RIMKLB: variants seen among roughly 807,000 people sequenced by gnomAD.
RIMKLB encodes the protein ribosomal modification protein rimK like family member B.
Under a neutral mutation model 32.0 loss-of-function variants are expected in RIMKLB, and 7 were observed. The observed-to-expected ratio is 0.22, with a 90% CI of 0.12 to 0.41. The LOEUF (loss-of-function observed/expected upper bound fraction) is 0.41. Among genes scored for constraint, RIMKLB ranks in the 10% least tolerant of loss-of-function variants. The pLI, the probability that RIMKLB is intolerant of heterozygous loss-of-function variation, is 1.00. For synonymous variants in RIMKLB, 172 were observed against 185.1 expected (o/e 0.93, Z 0.57); for missense variants, 289 against 498.7 (o/e 0.58, Z 4.00).
intron 5 of RIMKLB, among the ~76,000 whole-genome samples, chr12:8,770,578 T>C (rs1950324364): frequency 6.6e-6 from 1 of 152,214 alleles, no homozygotes; most frequent in Non-Finnish European, 1.5e-5. Context: ...GTATCATTTC[T>C]TGATTATTTT....
Position 8,753,987 on chromosome 12 carries a change from A to G in RIMKLB, c.591A>G (p.Lys197=). 4 of 1,613,996 alleles carry G rather than the reference A, an allele frequency of 2.5e-6. No individual in the cohort carries two copies. The highest frequency in any genetic ancestry group is 3.4e-6 in the Non-Finnish European group (4 of 1,179,854). ...CATACCTGTTCCAGAAGTATGTTAA[A>G]GAGTCTCATGGACGGGATGTACGTG... The part of the protein sequence containing the change: ...EAPYLFQKYV[K]ESHGRDVRVI... The change falls in exon 5 of 6, where the codon AAA becomes AAG. Residue 197 remains lysine, a synonymous_variant. Transcript: ENST00000535829.
chr12:8,760,666 G>T (rs1949443907), intron 5 of RIMKLB, among the ~76,000 whole-genome samples: 1 of 143,304 alleles, frequency 7.0e-6, no homozygotes, highest in African/African-American at 2.5e-5. Flanking sequence ...TCTTATTGTG[G>T]TTATTGATTT....
the RIMKLB span, among the ~76,000 whole-genome samples, chr12:8,674,337 C>T: frequency 6.7e-6 from 1 of 149,792 alleles, no homozygotes; most frequent in Non-Finnish European, 1.5e-5. Flanking sequence ...CTCCCGGGCT[C>T]ATGCCATTCT....
At chr12:8,780,867 A>G (rs2138419730), downstream of RIMKLB, 1 of 152,308 alleles carries the variant, frequency 6.6e-6, no homozygotes, top group South Asian at 2.1e-4. Flanking sequence ...ATTTGACCTC[A>G]CTGGTAAACT....
chr12:8,697,711 TC>T (rs1421502480), upstream of RIMKLB: 1 of 283,542 alleles, frequency 3.5e-6, no homozygotes, highest in Non-Finnish European at 7.6e-6. Context: ...ATCCATCGCC[TC>T]TCTTCCCCCG....
chr12:8,781,888 C>T (rs768146232), downstream of RIMKLB, among the ~76,000 whole-genome samples: 9 of 151,636 alleles, frequency 5.9e-5, no homozygotes, highest in Non-Finnish European at 1.0e-4. Flanking sequence ...TTATAAGATG[C>T]AGACCTGTTT....
At position 8,749,918 on chromosome 12, in the gene RIMKLB, G is replaced by A. The variant is rs1948477806; in HGVS notation, c.232G>A (p.Val78Ile). 1 of 1,613,502 alleles carries A rather than the reference G, an allele frequency of 6.2e-7. No individual in the cohort carries two copies. The part of the protein sequence containing the change: ...TAYPQVVVVR[V>I]PTPWVQSDSD... The stretch of plus-strand genomic sequence containing the variant: ...CTACCCACAAGTGGTGGTAGTCAGA[G>A]TACCAACCCCTTGGGTGCAAAGTGA... The change falls in exon 3 of 6, where the codon GTA (valine) becomes ATA (isoleucine). Residue 78 changes from valine to isoleucine, a missense_variant. Coordinates refer to ENST00000535829, the MANE Select transcript of RIMKLB (RefSeq NM_001297776.2).
At chr12:8,684,763 C>A (rs761508647) in intron 1 of RIMKLB, among the ~76,000 whole-genome samples, 1 of 152,074 alleles carries the variant, frequency 6.6e-6, no homozygotes, top group Non-Finnish European at 1.5e-5. Flanking sequence ...TGGGACTACA[C>A]GTGCATGCCA....
chr12:8,719,557 C>CG (rs1156815511), intron 2 of RIMKLB, among the ~76,000 whole-genome samples: 3 of 151,944 alleles, frequency 2.0e-5, no homozygotes, highest in African/African-American at 7.3e-5. Context: ...TTAGTAGAGA[C>CG]GGGGTTTCAC....
intron 2 of RIMKLB, among the ~76,000 whole-genome samples, chr12:8,721,637 G>A (rs1945448751): frequency 6.6e-6 from 1 of 152,162 alleles, no homozygotes; most frequent in South Asian, 2.1e-4. Context: ...TTCCTTCACT[G>A]AAGTCTTGAA....
At chr12:8,720,721 G>A (rs1438213610) in intron 2 of RIMKLB, among the ~76,000 whole-genome samples, 1 of 152,146 alleles carries the variant, frequency 6.6e-6, no homozygotes, top group Non-Finnish European at 1.5e-5. Context: ...TGCATTTTTG[G>A]TAGAGATGGG....
intron 1 of RIMKLB, among the ~76,000 whole-genome samples, chr12:8,708,355 TGA>T (rs1402515032): frequency 2.0e-5 from 3 of 152,188 alleles, no homozygotes; most frequent in Non-Finnish European, 1.5e-5. Context: ...ACAAGAAAGA[TGA>T]GAGGGAGAGA....
downstream of RIMKLB, among the ~76,000 whole-genome samples, chr12:8,781,887 G>GTAAATTT (rs1951081149): frequency 6.6e-6 from 1 of 152,156 alleles, no homozygotes; most frequent in African/African-American, 2.4e-5. Flanking sequence ...TTTATAAGAT[G>GTAAATTT]CAGACCTGTT....
At position 8,774,983 on chromosome 12, in the gene RIMKLB, TGAC is replaced by T. The variant is rs1950646884; in HGVS notation, c.*1200_*1202del. On this transcript the variant is annotated 3_prime_UTR_variant, in exon 6 of 6. Coordinates refer to ENST00000535829, the MANE Select transcript of RIMKLB (RefSeq NM_001297776.2). The stretch of plus-strand genomic sequence containing the variant: ...GGAGCATGATGGGAAACAGAGTTTT[TGAC>T]TTTAAAAAACAGATGAGTTGTTTTC... 3.9e-5 allele frequency: 38 copies of T among 985,708 alleles called. No individual in the cohort carries two copies. The highest frequency in any genetic ancestry group is 4.6e-5 in the Non-Finnish European group (38 of 829,898). The allele number at this position is 985,708 out of a possible 1,614,324, so 61.1% of individuals were successfully genotyped here. A position where few individuals can be genotyped will look rare whatever the true frequency, so the allele number is the denominator to read the frequency against.
chr12:8,697,716 T>TC, upstream of RIMKLB: 3 of 277,742 alleles, frequency 1.1e-5, no homozygotes, highest in Admixed American at 3.7e-5. Context: ...TCGCCTCTCT[T>TC]CCCCCGAGGC....
intron 2 of RIMKLB, among the ~76,000 whole-genome samples, chr12:8,727,273 T>A (rs1319758221): frequency 6.6e-6 from 1 of 152,202 alleles, no homozygotes; most frequent in Non-Finnish European, 1.5e-5. Context: ...GAATCTCTGT[T>A]GCCCAGGCTG....
chr12:8,772,138 G>C (rs371270599), intron 5 of RIMKLB, among the ~76,000 whole-genome samples: 7 of 152,240 alleles, frequency 4.6e-5, no homozygotes, highest in East Asian at 3.9e-4. Flanking sequence ...ATCCACCTCA[G>C]CCTCCCAAAG....
At position 8,749,652 on chromosome 12, in the gene RIMKLB, T is replaced by C. The variant is rs188233947; in HGVS notation, c.176-210T>C. Among the ~76,000 whole-genome samples the C allele has an allele frequency of 5.9e-5, 9 of 152,394 alleles. 1 individual carries two copies. The highest frequency in any genetic ancestry group is 2.2e-4 in the African/African-American group (9 of 41,600). ...GACATTCTTTTTAATGGCTATGTGGTAATTCATTGTAGTGATGTGTACTAT... is the reference window on the plus strand; with the variant it reads ...GACATTCTTTTTAATGGCTATGTGGCAATTCATTGTAGTGATGTGTACTAT... On this transcript the variant is annotated intron_variant, in intron 2 of 5. Transcript: ENST00000535829.
At chr12:8,782,648 A>G (rs1360461873) in intron 7 of RIMKLB, among the ~76,000 whole-genome samples, 5 of 152,168 alleles carry the variant, frequency 3.3e-5, no homozygotes, top group Non-Finnish European at 5.9e-5. Flanking sequence ...GCTCTTGTAA[A>G]ACAGTAATAG....
Sources: gnomAD v4.1 joint callset for allele counts (sites outside exome capture counted in the v4.1 genomes callset) on GRCh38, gnomAD v4.1.1 for gene constraint, MANE v1.5 for transcripts, NCBI Gene and HGNC (gene_info 2026-07-23, HGNC 2026-07-21) for gene names.